PLEKHM3: variants seen among roughly 807,000 people sequenced by gnomAD.
PLEKHM3 encodes the protein pleckstrin homology domain-containing family M member 3.
Under a neutral mutation model 81.8 loss-of-function variants are expected in PLEKHM3, and 45 were observed. The ratio of observed to expected loss-of-function variants is 0.55; its 90% confidence interval spans 0.43 to 0.71. PLEKHM3 has a LOEUF of 0.71. PLEKHM3 is among the 30% of genes least tolerant of loss of function. The pLI is 0.00. For missense variants in PLEKHM3, 788 were observed against 924.3 expected, an observed-to-expected ratio of 0.85 and a Z score of 1.91; for synonymous variants, 352 against 356.4, an observed-to-expected ratio of 0.99 and a Z score of 0.14.
At chr2:208,014,119 C>A (rs1559284280) in intron 1 of PLEKHM3, among the ~76,000 whole-genome samples, 1 of 152,180 alleles carries the variant, frequency 6.6e-6, no homozygotes, top group Non-Finnish European at 1.5e-5. Context: ...TGGACTTAAT[C>A]TGTGACAACA....
Position 207,823,733 on chromosome 2 carries a change from C to T in PLEKHM3, c.*4586G>A, listed in dbSNP as rs1280801230. The T allele has an allele frequency of 1.3e-5, 2 of 152,290 alleles. No homozygotes were observed. Among genetic ancestry groups the T allele is most frequent in the Non-Finnish European group, 2.9e-5 (2 of 68,106 alleles). 9.4% of individuals were successfully genotyped at this position (152,290 alleles called of 1,614,324 possible). ...GGATTACAGGCGTGAGCCACCAATCCTGGCCAAGTGGAACCCACTTTAAAT... is the reference window on the plus strand; with the variant it reads ...GGATTACAGGCGTGAGCCACCAATCTTGGCCAAGTGGAACCCACTTTAAAT... On this transcript the variant is annotated 3_prime_UTR_variant, in exon 8 of 8. Transcript: ENST00000427836.
Position 207,827,265 on chromosome 2 carries a change from T to C in PLEKHM3, c.*1054A>G, listed in dbSNP as rs1281227739. On this transcript the variant is annotated 3_prime_UTR_variant, in exon 8 of 8. Coordinates refer to ENST00000427836, the MANE Select transcript of PLEKHM3 (RefSeq NM_001080475.3). ...ACATTGACAAAGGTCGAAATGAAAG[T>C]GCAGGAAGAACAACGAGAAATAAAG... 2 of 152,132 alleles carry C rather than the reference T, an allele frequency of 1.3e-5. No homozygotes were observed. The highest frequency in any genetic ancestry group is 4.8e-5 in the African/African-American group (2 of 41,412). The allele number at this position is 152,132 out of a possible 1,614,324, so 9.4% of individuals were successfully genotyped here.
intron 6 of PLEKHM3, among the ~76,000 whole-genome samples, chr2:207,897,588 G>A (rs1248811158): frequency 3.3e-5 from 5 of 152,092 alleles, no homozygotes; most frequent in South Asian, 4.2e-4. Flanking sequence ...GGGGTGAGTC[G>A]GCATTTGAAC....
intron 3 of PLEKHM3, among the ~76,000 whole-genome samples, chr2:207,955,940 G>C (rs189682749): frequency 1.3e-5 from 2 of 152,310 alleles, no homozygotes; most frequent in African/African-American, 4.8e-5. Context: ...AGGAAAGGAG[G>C]AAGCAATCAC....
intron 2 of PLEKHM3, among the ~76,000 whole-genome samples, chr2:207,995,316 T>C (rs1207854634): frequency 6.6e-6 from 1 of 152,192 alleles, no homozygotes; most frequent in East Asian, 1.9e-4. Context: ...CACACATAAA[T>C]CTTTCTGTGT....
chr2:207,947,619 G>A (rs1690177569), intron 3 of PLEKHM3, among the ~76,000 whole-genome samples: 1 of 151,962 alleles, frequency 6.6e-6, no homozygotes, highest in African/African-American at 2.4e-5. Context: ...CCATTTTATG[G>A]TTGGGTGCCA....
chr2:207,905,556 C>T (rs1207875456), intron 6 of PLEKHM3, among the ~76,000 whole-genome samples: 1 of 152,128 alleles, frequency 6.6e-6, no homozygotes, highest in Non-Finnish European at 1.5e-5. Context: ...ACTTAGAAAC[C>T]AAGGAAAGAT....
chr2:207,893,946 T>C lies in PLEKHM3; in HGVS notation c.1950+14568A>G, dbSNP rs763884730. Among the ~76,000 whole-genome samples, 29 of 151,972 alleles carry C rather than the reference T, an allele frequency of 1.9e-4. 1 individual carries two copies. The highest frequency in any genetic ancestry group is 1.9e-4 in the East Asian group (1 of 5,186). Reference sequence around the variant, plus strand: ...GCCTGCGAAACACAGCGAGACCTTGTCTCTACTAAAAATAAAAAAAATTAG... The same window carrying C: ...GCCTGCGAAACACAGCGAGACCTTGCCTCTACTAAAAATAAAAAAAATTAG... On this transcript the variant is annotated intron_variant, in intron 6 of 7. Transcript: ENST00000427836.
chr2:207,869,549 A>G (rs1425993926), intron 6 of PLEKHM3, among the ~76,000 whole-genome samples: 1 of 152,196 alleles, frequency 6.6e-6, no homozygotes, highest in Non-Finnish European at 1.5e-5. Flanking sequence ...TGACTATTTC[A>G]GAGGTGTTAT....
intron 7 of PLEKHM3, among the ~76,000 whole-genome samples, chr2:207,850,960 C>T (rs1024605911): frequency 6.6e-6 from 1 of 151,992 alleles, no homozygotes; most frequent in African/African-American, 2.4e-5. Flanking sequence ...TGAGACCAGC[C>T]TGACCAACAC....
At chr2:207,871,644 T>C (rs13392595) in intron 6 of PLEKHM3, among the ~76,000 whole-genome samples, 3,265 of 152,280 alleles carry the variant, frequency 0.021, 116 homozygotes, top group African/African-American at 0.074. Context: ...TGGGGTCTAC[T>C]TCAGACAGCT....
At position 207,824,639 on chromosome 2, in the gene PLEKHM3, C is replaced by G. The variant is rs879878539; in HGVS notation, c.*3680G>C. The G allele has an allele frequency of 6.6e-6, 1 of 152,240 alleles. No individual in the cohort carries two copies. Among genetic ancestry groups the G allele is most frequent in the Non-Finnish European group, 1.5e-5 (1 of 68,074 alleles). 9.4% of individuals were successfully genotyped at this position (152,240 alleles called of 1,614,324 possible). A position where few individuals can be genotyped will look rare whatever the true frequency, so the allele number is the denominator to read the frequency against. On this transcript the variant is annotated 3_prime_UTR_variant, in exon 8 of 8. Coordinates refer to ENST00000427836, the MANE Select transcript of PLEKHM3 (RefSeq NM_001080475.3). ...GAGAACAAACTCCCAGGTTTGGAAG[C>G]CAAGCCTCTCTGAGGAGGCACAGAA...
intron 1 of PLEKHM3, among the ~76,000 whole-genome samples, chr2:208,005,014 C>T (rs955799683): frequency 6.4e-5 from 9 of 141,274 alleles, no homozygotes; most frequent in Non-Finnish European, 1.1e-4. Context: ...TTAGTAGAGA[C>T]GGTGTTTCAC....
intron 1 of PLEKHM3, among the ~76,000 whole-genome samples, chr2:208,005,157 A>G (rs1221278186): frequency 6.6e-6 from 1 of 152,216 alleles, no homozygotes; most frequent in Non-Finnish European, 1.5e-5. Flanking sequence ...TATTACAAAG[A>G]TAATACACTC....
chr2:207,891,685 G>A (rs1248321247), intron 6 of PLEKHM3, among the ~76,000 whole-genome samples: 1 of 152,190 alleles, frequency 6.6e-6, no homozygotes, highest in African/African-American at 2.4e-5. Flanking sequence ...GCTCACTTAT[G>A]CAATAACATA....
intron 5 of PLEKHM3, among the ~76,000 whole-genome samples, chr2:207,918,963 G>T (rs1401864027): frequency 6.6e-6 from 1 of 152,092 alleles, no homozygotes; most frequent in Non-Finnish European, 1.5e-5. Context: ...CATGTTTAAT[G>T]GTAATAAGTA....
chr2:207,850,653 A>C (rs1447682749), intron 7 of PLEKHM3, among the ~76,000 whole-genome samples: 1 of 152,216 alleles, frequency 6.6e-6, no homozygotes, highest in Non-Finnish European at 1.5e-5. Context: ...AGCATTAGGA[A>C]AGGGATCTTA....
intron 7 of PLEKHM3, among the ~76,000 whole-genome samples, chr2:207,860,728 C>G (rs549679460): frequency 6.6e-6 from 1 of 151,992 alleles, no homozygotes; most frequent in South Asian, 2.1e-4. Context: ...CCCTGGCGGT[C>G]GGTCCAGTTT....
intron 3 of PLEKHM3, among the ~76,000 whole-genome samples, chr2:207,951,227 T>A (rs1574436570): frequency 1.3e-5 from 2 of 152,200 alleles, no homozygotes; most frequent in African/African-American, 4.8e-5. Context: ...ACCATTTTTT[T>A]AGAGAGTGTC....
Sources: allele counts gnomAD v4.1 joint callset (sites outside exome capture counted in the v4.1 genomes callset), GRCh38; gene constraint gnomAD v4.1.1; transcripts MANE v1.5; gene names NCBI Gene and HGNC (gene_info 2026-07-23, HGNC 2026-07-21).